The following GABBR2 variants were observed in gnomAD, a reference collection of about 807,000 sequenced individuals.
GABBR2 encodes the protein gamma-aminobutyric acid type B receptor subunit 2.
In GABBR2, 23 loss-of-function variants were observed where a neutral mutation model predicts 105.6. That is an observed-to-expected ratio of 0.22 (90% CI 0.16 to 0.31). GABBR2 has a LOEUF of 0.31. Among genes scored for constraint, GABBR2 ranks in the 10% least tolerant of loss-of-function variants. The pLI, the probability that GABBR2 is intolerant of heterozygous loss-of-function variation, is 1.00. For synonymous variants in GABBR2, 478 were observed against 499.7 expected, an observed-to-expected ratio of 0.96 and a Z score of 0.58; for missense variants, 734 against 1,245.5, an observed-to-expected ratio of 0.59 and a Z score of 6.18.
intron 1 of GABBR2, among the ~76,000 whole-genome samples, chr9:98,612,533 C>A (rs1296228231): frequency 6.6e-6 from 1 of 152,144 alleles, no homozygotes; most frequent in East Asian, 1.9e-4. Flanking sequence ...CATCTGTTTC[C>A]TGGAGAATGT....
chr9:98,646,647 A>G lies in GABBR2; in HGVS notation c.321+61770T>C, dbSNP rs144828621. Among the ~76,000 whole-genome samples, 285 of 152,300 alleles carry G rather than the reference A, an allele frequency of 1.9e-3. 3 individuals carry two copies. The highest frequency in any genetic ancestry group is 6.1e-3 in the African/African-American group (255 of 41,570). ...TAAAGCTATCATCTGAAAGAACATC[A>G]TAGGAAGTCTTCGTTCAGTTGGTCT... On this transcript the variant is annotated intron_variant, in intron 1 of 18. Coordinates refer to ENST00000259455, the MANE Select transcript of GABBR2 (RefSeq NM_005458.8).
intron 2 of GABBR2, among the ~76,000 whole-genome samples, chr9:98,559,095 A>C (rs2131758561): frequency 6.6e-6 from 1 of 152,168 alleles, no homozygotes; most frequent in East Asian, 1.9e-4. Context: ...CTAAAATTTC[A>C]TGATTTAGTA....
At chr9:98,322,891 C>T (rs895822738) in intron 13 of GABBR2, among the ~76,000 whole-genome samples, 8 of 152,074 alleles carry the variant, frequency 5.3e-5, no homozygotes, top group Admixed American at 1.3e-4. Context: ...TTTCCTGTTC[C>T]GCTATCGCCC....
intron 2 of GABBR2, among the ~76,000 whole-genome samples, chr9:98,549,932 G>C (rs2131747414): frequency 6.6e-6 from 1 of 152,316 alleles, no homozygotes; most frequent in East Asian, 1.9e-4. Context: ...CACCTGGCCA[G>C]AGGAGTGGCA....
Position 98,473,135 on chromosome 9 carries a change from A to G in GABBR2, c.999+11T>C. 1 of 1,606,906 alleles carries G rather than the reference A, an allele frequency of 6.2e-7. No individual in the cohort carries two copies. The highest frequency in any genetic ancestry group is 8.5e-7 in the Non-Finnish European group (1 of 1,173,882). ...GGGCCAGAAGGTTGAAATGGGGACC[A>G]AGGCACTGACCTTTCCTGAGATGGT... On this transcript the variant is annotated intron_variant, in intron 6 of 18. Transcript: ENST00000259455.
chr9:98,604,483 G>A (rs1829383442), intron 1 of GABBR2, among the ~76,000 whole-genome samples: 1 of 152,204 alleles, frequency 6.6e-6, no homozygotes, highest in African/African-American at 2.4e-5. Flanking sequence ...AGAAGATTGT[G>A]TTGTCATGCT....
At chr9:98,598,410 G>A (rs924792791) in intron 1 of GABBR2, among the ~76,000 whole-genome samples, 2 of 152,140 alleles carry the variant, frequency 1.3e-5, no homozygotes, top group African/African-American at 4.8e-5. Flanking sequence ...ACTACACAGG[G>A]AGATCTATTG....
At chr9:98,624,221 C>T (rs765115805) in intron 1 of GABBR2, among the ~76,000 whole-genome samples, 2 of 152,182 alleles carry the variant, frequency 1.3e-5, no homozygotes, top group Non-Finnish European at 2.9e-5. Context: ...AAGATCTGGC[C>T]TCCCCTTGGA....
In GABBR2 at chr9:98,290,357, T is replaced by C. The variant is rs1019094846; in HGVS notation, c.*227A>G. 1 of 326,386 alleles carries C rather than the reference T, an allele frequency of 3.1e-6. No individual in the cohort carries two copies. The highest frequency in any genetic ancestry group is 5.0e-5 in the Admixed American group (1 of 20,096). 20.2% of individuals were successfully genotyped at this position (326,386 alleles called of 1,614,324 possible). On this transcript the variant is annotated 3_prime_UTR_variant, in exon 19 of 19. Transcript: ENST00000259455. The stretch of plus-strand genomic sequence containing the variant: ...GTTAAGGAAGACGTCCCATTTCCGT[T>C]CCTCTTCTTTGTGAAGAAATAAGGA...
At chr9:98,571,969 T>C (rs1429000937) in intron 2 of GABBR2, among the ~76,000 whole-genome samples, 3 of 152,206 alleles carry the variant, frequency 2.0e-5, no homozygotes, top group African/African-American at 7.2e-5. Flanking sequence ...CAGTGCCCCA[T>C]GTGCTCTCCA....
At chr9:98,537,075 A>G (rs188346329) in intron 3 of GABBR2, among the ~76,000 whole-genome samples, 201 of 152,252 alleles carry the variant, frequency 1.3e-3, no homozygotes, top group African/African-American at 4.5e-3. Context: ...CTGGCGACAC[A>G]CTGAAGCCAC....
intron 7 of GABBR2, among the ~76,000 whole-genome samples, chr9:98,451,581 A>G (rs1186094686): frequency 2.6e-5 from 4 of 152,200 alleles, no homozygotes; most frequent in African/African-American, 9.6e-5. Flanking sequence ...AACCACCTGC[A>G]GGGTTTGTTA....
intron 13 of GABBR2, among the ~76,000 whole-genome samples, chr9:98,350,636 G>C (rs1010496121): frequency 6.6e-6 from 1 of 152,012 alleles, no homozygotes; most frequent in Non-Finnish European, 1.5e-5. Context: ...AAAATTTGTC[G>C]AGACTTGTTT....
chr9:98,589,053 C>T (rs184928456), intron 1 of GABBR2, among the ~76,000 whole-genome samples: 82 of 152,298 alleles, frequency 5.4e-4, no homozygotes, highest in Non-Finnish European at 9.0e-4. Context: ...GGAGGTCACC[C>T]TCTTCCCAGA....
At chr9:98,436,399 ATATATATAGT>A (rs1825925931) in intron 7 of GABBR2, among the ~76,000 whole-genome samples, 1 of 51,382 alleles carries the variant, frequency 1.9e-5, no homozygotes, top group African/African-American at 6.5e-5. Context: ...ATATATATAT[ATATATATAGT>A]ATGGCGTTCT....
intron 7 of GABBR2, among the ~76,000 whole-genome samples, chr9:98,407,269 A>G (rs1277853681): frequency 6.6e-6 from 1 of 152,212 alleles, no homozygotes; most frequent in African/African-American, 2.4e-5. Flanking sequence ...AGAAAACCCC[A>G]GGAAGCATTT....
Position 98,326,259 on chromosome 9 carries a change from T to C in GABBR2, c.1894-15054A>G, listed in dbSNP as rs77134012. ...CTTTGGCACAGCAAAACAGTGAGCA[T>C]ATAACTGCCTCTAACTATAATTTAG... is the stretch of plus-strand genomic sequence containing the variant. On this transcript the variant is annotated intron_variant, in intron 13 of 18. Transcript: ENST00000259455. Among the ~76,000 whole-genome samples the C allele has an allele frequency of 2.4e-4, 37 of 152,338 alleles. No individual in the cohort carries two copies. In the East Asian group the frequency reaches 6.7e-3, roughly 28 times the overall value.
At chr9:98,699,864 C>T (rs990959210) in intron 1 of GABBR2, among the ~76,000 whole-genome samples, 1 of 152,154 alleles carries the variant, frequency 6.6e-6, no homozygotes, top group Non-Finnish European at 1.5e-5. Context: ...TGTTACATAA[C>T]GCTAGAGAAG....
chr9:98,538,797 C>A (rs1447086989), intron 3 of GABBR2: 1 of 156,206 alleles, frequency 6.4e-6, no homozygotes, highest in African/African-American at 2.4e-5. Context: ...TTCCTTTGCA[C>A]TCATGAAAAG....
Sources: gnomAD v4.1 joint callset for allele counts (sites outside exome capture counted in the v4.1 genomes callset) on GRCh38, gnomAD v4.1.1 for gene constraint, MANE v1.5 for transcripts, NCBI Gene and HGNC (gene_info 2026-07-23, HGNC 2026-07-21) for gene names.